Variants in SYNPO2 observed in about 807,000 individuals in gnomAD.
The protein encoded by SYNPO2 is synaptopodin 2, also known as synaptopodin-2.
A neutral mutation model predicts 85.0 loss-of-function variants in SYNPO2; 56 were observed. That is an observed-to-expected ratio of 0.66 (90% CI 0.53 to 0.82). The LOEUF (loss-of-function observed/expected upper bound fraction) is 0.82, where lower values mean the gene tolerates loss of function less well. Ranked by LOEUF, SYNPO2 falls within the 40% of genes least tolerant of loss-of-function variation. The probability of loss-of-function intolerance (pLI) is 0.00; values close to 1 mark genes in which losing one functional copy is unlikely to be tolerated. For missense variants in SYNPO2, 1,575 were observed against 1,534.2 expected (o/e 1.03, Z -0.44); for synonymous variants, 602 against 591.1 (o/e 1.02, Z -0.27).
At chr4:118,935,979 G>A (rs1164541148) in intron 1 of SYNPO2, among the ~76,000 whole-genome samples, 2 of 152,098 alleles carry the variant, frequency 1.3e-5, no homozygotes, top group Non-Finnish European at 2.9e-5. Context: ...GAAGAGGGGA[G>A]GAAACAGAAG....
intron 1 of SYNPO2, among the ~76,000 whole-genome samples, chr4:118,984,550 C>CTG (rs1298068213): frequency 6.6e-6 from 1 of 152,202 alleles, no homozygotes; most frequent in African/African-American, 2.4e-5. Flanking sequence ...GGCCAGCACT[C>CTG]TGGATTCTCA....
intron 1 of SYNPO2, among the ~76,000 whole-genome samples, chr4:118,965,772 C>T (rs1420190665): frequency 6.6e-6 from 1 of 151,982 alleles, no homozygotes; most frequent in Non-Finnish European, 1.5e-5. Flanking sequence ...CTGGGAAGTA[C>T]GTACAAGATG....
At chr4:119,038,497 G>A (rs1461551435) in intron 4 of SYNPO2, 51 of 985,204 alleles carry the variant, frequency 5.2e-5, no homozygotes, top group Non-Finnish European at 6.1e-5. Flanking sequence ...TAAAAATAAA[G>A]CATAATCAAA....
chr4:118,975,784 C>T (rs1012050986), intron 1 of SYNPO2, among the ~76,000 whole-genome samples: 1 of 152,182 alleles, frequency 6.6e-6, no homozygotes, highest in African/African-American at 2.4e-5. Flanking sequence ...CCAAAAAACA[C>T]AGGGCTAAGA....
At chr4:118,989,552 G>C (rs549029341) in intron 1 of SYNPO2, among the ~76,000 whole-genome samples, 1 of 152,216 alleles carries the variant, frequency 6.6e-6, no homozygotes, top group African/African-American at 2.4e-5. Flanking sequence ...TCACGGACTC[G>C]TTTTATTGAC....
chr4:118,899,952 A>C lies in SYNPO2; in HGVS notation c.105+10811A>C, dbSNP rs149653482. 4.5e-3 allele frequency among the ~76,000 whole-genome samples: 686 copies of C among 152,114 alleles called. 4 individuals carry two copies. Among genetic ancestry groups the C allele is most frequent in the Non-Finnish European group, 6.0e-3 (410 of 67,980 alleles). On this transcript the variant is annotated intron_variant, in intron 1 of 4. Transcript: ENST00000307142. ...AATTTTTGTAGTTTTAGTAGAGATG[A>C]GGTTTCACCATGTTGGCCAGGCTGG...
chr4:118,980,061 A>G (rs74807467), intron 1 of SYNPO2, among the ~76,000 whole-genome samples: 22 of 152,350 alleles, frequency 1.4e-4, no homozygotes, highest in African/African-American at 4.6e-4. Flanking sequence ...ATTGCATAGT[A>G]TATGCGGTTT....
intron 1 of SYNPO2, among the ~76,000 whole-genome samples, chr4:118,948,307 A>T (rs1578576427): frequency 6.6e-6 from 1 of 152,308 alleles, no homozygotes; most frequent in South Asian, 2.1e-4. Flanking sequence ...CCATTTTCTT[A>T]AGGAAGAAAA....
chr4:118,881,118 C>T (rs1457938588), intron 1 of SYNPO2, among the ~76,000 whole-genome samples: 5 of 151,944 alleles, frequency 3.3e-5, no homozygotes, highest in South Asian at 2.1e-4. Flanking sequence ...CTGGCTAACA[C>T]GGTGAAACCT....
intron 1 of SYNPO2, among the ~76,000 whole-genome samples, chr4:118,997,464 A>G (rs1234674583): frequency 6.6e-6 from 1 of 152,184 alleles, no homozygotes; most frequent in African/African-American, 2.4e-5. Flanking sequence ...AGGCTAAACT[A>G]GAATTCTAGT....
chr4:119,029,060 C>A (rs927675331), intron 3 of SYNPO2, among the ~76,000 whole-genome samples: 4 of 151,900 alleles, frequency 2.6e-5, no homozygotes, highest in African/African-American at 9.7e-5. Context: ...TTTTAAATTT[C>A]TCCAAGGTTT....
chr4:118,983,604 C>G (rs1578613654), intron 1 of SYNPO2, among the ~76,000 whole-genome samples: 1 of 152,186 alleles, frequency 6.6e-6, no homozygotes, highest in African/African-American at 2.4e-5. Context: ...AGCATACTCA[C>G]TCGCTGAACA....
chr4:119,029,200 A>G (rs2168986), intron 3 of SYNPO2, among the ~76,000 whole-genome samples: 42,684 of 151,948 alleles, frequency 0.28, 7,092 homozygotes, highest in East Asian at 0.5. Flanking sequence ...TTGAATTTTA[A>G]TTATTGATTC....
intron 1 of SYNPO2, among the ~76,000 whole-genome samples, chr4:118,918,531 T>C (rs903873666): frequency 6.6e-6 from 1 of 152,220 alleles, no homozygotes; most frequent in East Asian, 1.9e-4. Flanking sequence ...TTTGCTTCTC[T>C]GGAGAATTGG....
intron 1 of SYNPO2, among the ~76,000 whole-genome samples, chr4:118,948,792 C>T (rs1391243299): frequency 2.6e-5 from 4 of 152,190 alleles, no homozygotes; most frequent in Non-Finnish European, 5.9e-5. Context: ...ATGATCCAGA[C>T]ACCTCCCACT....
At chr4:118,957,693 A>G (rs1318584283) in intron 1 of SYNPO2, among the ~76,000 whole-genome samples, 1 of 152,188 alleles carries the variant, frequency 6.6e-6, no homozygotes, top group East Asian at 1.9e-4. Flanking sequence ...GCCTTTCACT[A>G]TGTAATAAAA....
At chr4:118,953,291 A>G (rs1371343676) in intron 1 of SYNPO2, among the ~76,000 whole-genome samples, 1 of 152,130 alleles carries the variant, frequency 6.6e-6, no homozygotes, top group Non-Finnish European at 1.5e-5. Flanking sequence ...TGAGCACACC[A>G]TTGTTTTCAT....
Position 119,031,601 on chromosome 4 carries a change from A to T in SYNPO2, c.2826A>T (p.Pro942=), listed in dbSNP as rs770141167. 5 of 1,614,172 alleles carry T rather than the reference A, an allele frequency of 3.1e-6. No homozygotes were observed. The Admixed American group carries it at 8.3e-5, about 27-fold the overall frequency. ...CACTGGCTGCTCTCAAGTCTCAGCCATCAGCTGCACAGCCCTCCAAAATGG... is the reference window on the plus strand; with the variant it reads ...CACTGGCTGCTCTCAAGTCTCAGCCTTCAGCTGCACAGCCCTCCAAAATGG... ...SYPLAALKSQ[P]SAAQPSKMGK... The change falls in exon 4 of 5, where the codon CCA becomes CCT. Residue 942 remains proline (P), a synonymous_variant. Transcript: ENST00000307142.
intron 1 of SYNPO2, among the ~76,000 whole-genome samples, chr4:118,899,220 A>G (rs770629751): frequency 1.3e-5 from 2 of 152,234 alleles, no homozygotes; most frequent in Non-Finnish European, 2.9e-5. Flanking sequence ...ATGTACATAT[A>G]TATAAAATAT....
Sources: allele counts gnomAD v4.1 joint callset (sites outside exome capture counted in the v4.1 genomes callset), GRCh38; gene constraint gnomAD v4.1.1; transcripts MANE v1.5; gene names NCBI Gene and HGNC (gene_info 2026-07-23, HGNC 2026-07-21).